The following GRIK2 variants were observed in gnomAD, a reference collection of about 807,000 sequenced individuals.
The protein encoded by GRIK2 is glutamate ionotropic receptor kainate type subunit 2, also known as glutamate receptor ionotropic, kainate 2.
GRIK2 carries 32 observed loss-of-function variants against 100.3 expected under a neutral mutation model. That is an observed-to-expected ratio of 0.32 (90% CI 0.24 to 0.43). The LOEUF (loss-of-function observed/expected upper bound fraction) is 0.43. Ranked by LOEUF, GRIK2 falls within the 20% of genes least tolerant of loss-of-function variation. GRIK2 has a pLI of 1.00. For synonymous variants in GRIK2, 417 were observed against 389.4 expected (o/e 1.07, Z -0.83); for missense variants, 843 against 1,114.9 (o/e 0.76, Z 3.47).
intron 7 of GRIK2, among the ~76,000 whole-genome samples, chr6:101,780,422 A>C (rs1779015936): frequency 6.6e-6 from 1 of 152,130 alleles, no homozygotes; most frequent in African/African-American, 2.4e-5. Flanking sequence ...TAATTACTTT[A>C]ACCTTCCTAT....
At chr6:101,729,031 C>T (rs1207358862) in intron 7 of GRIK2, among the ~76,000 whole-genome samples, 1 of 152,060 alleles carries the variant, frequency 6.6e-6, no homozygotes, top group African/African-American at 2.4e-5. Flanking sequence ...TTTGCACACT[C>T]TTCCAACCAC....
At chr6:101,625,288 G>A (rs1208227707) in intron 3 of GRIK2, among the ~76,000 whole-genome samples, 6 of 152,006 alleles carry the variant, frequency 3.9e-5, no homozygotes, top group South Asian at 2.1e-4. Flanking sequence ...CAGGAGAATC[G>A]CTTGAACCCG....
chr6:101,815,469 A>G (rs1489154712), intron 9 of GRIK2, among the ~76,000 whole-genome samples: 1 of 152,106 alleles, frequency 6.6e-6, no homozygotes. Context: ...TGGCCCTATA[A>G]TTTATTACAC....
At chr6:101,469,632 G>A (rs1017131351) in intron 2 of GRIK2, among the ~76,000 whole-genome samples, 1 of 152,108 alleles carries the variant, frequency 6.6e-6, no homozygotes, top group Non-Finnish European at 1.5e-5. Flanking sequence ...TTCTTCTCCA[G>A]TCAATGTTTT....
At chr6:101,865,750 G>A (rs1329570086) in intron 11 of GRIK2, among the ~76,000 whole-genome samples, 4 of 151,756 alleles carry the variant, frequency 2.6e-5, no homozygotes, top group Non-Finnish European at 4.4e-5. Flanking sequence ...TTAGCTGGGT[G>A]TGCTGGTGCA....
intron 4 of GRIK2, among the ~76,000 whole-genome samples, chr6:101,664,881 A>G (rs1769898368): frequency 6.6e-6 from 1 of 152,166 alleles, no homozygotes; most frequent in African/African-American, 2.4e-5. Flanking sequence ...CAGCCCTTTT[A>G]TAAAAAACAA....
chr6:101,536,962 A>G (rs1775730359), intron 2 of GRIK2, among the ~76,000 whole-genome samples: 2 of 151,596 alleles, frequency 1.3e-5, no homozygotes, highest in Admixed American at 6.6e-5. Context: ...TTCTAAATGT[A>G]TGGCTTTTGA....
intron 14 of GRIK2, among the ~76,000 whole-genome samples, chr6:102,005,268 T>A (rs1283255605): frequency 7.7e-6 from 1 of 130,558 alleles, no homozygotes; most frequent in Non-Finnish European, 1.8e-5. Context: ...AATATGAGAC[T>A]CTGTGAAAGA....
At chr6:101,679,157 A>G (rs896235983) in intron 5 of GRIK2, among the ~76,000 whole-genome samples, 2 of 152,232 alleles carry the variant, frequency 1.3e-5, no homozygotes, top group Admixed American at 6.5e-5. Context: ...AGTGTGAAAT[A>G]AAAACTTTTA....
intron 2 of GRIK2, among the ~76,000 whole-genome samples, chr6:101,449,026 C>T (rs77076343): frequency 0.036 from 5,505 of 151,442 alleles, 140 homozygotes; most frequent in Middle Eastern, 0.11. Context: ...CATCCATTAC[C>T]ATTATGTTTA....
chr6:101,596,655 A>G (rs1051424857), intron 2 of GRIK2, among the ~76,000 whole-genome samples: 2 of 151,668 alleles, frequency 1.3e-5, no homozygotes, highest in African/African-American at 4.8e-5. Flanking sequence ...ACTTTTGACT[A>G]CTTTCTCAGA....
intron 7 of GRIK2, among the ~76,000 whole-genome samples, chr6:101,749,803 CTTTTTT>C (rs989554915): frequency 1.1e-5 from 1 of 92,552 alleles, no homozygotes; most frequent in South Asian, 3.9e-4. Flanking sequence ...GTGCCAGTTT[CTTTTTT>C]TTTTTTTTTT....
rs1161694919 is a variant in GRIK2, at chr6:101,626,494, G to T, written c.398G>T (p.Arg133Leu). Residue 133 changes from arginine (R) to leucine (L), a missense_variant, in exon 4 of 17, where the codon CGC becomes CTC. Around this residue, in one of 3 missense-constraint regions of GRIK2, gnomAD observed 519 missense variants for 643.8 expected, o/e 0.81. Coordinates refer to ENST00000369134, the MANE Select transcript of GRIK2 (RefSeq NM_021956.5). ...CTGGGAGTTCCCCACATACAGACCC[G>T]CTGGAAGCACCAGGTGTCAGACAAC... ...NALGVPHIQT[R>L]WKHQVSDNKD... is the part of the protein sequence containing the mutation. 2 of 1,613,914 alleles carry T rather than the reference G, an allele frequency of 1.2e-6. No homozygotes were observed. Among genetic ancestry groups the T allele is most frequent in the Admixed American group, 1.7e-5 (1 of 60,002 alleles).
chr6:101,444,297 C>A (rs1160673350), intron 2 of GRIK2, among the ~76,000 whole-genome samples: 1 of 151,890 alleles, frequency 6.6e-6, no homozygotes, highest in Non-Finnish European at 1.5e-5. Flanking sequence ...GAGATAAAGT[C>A]TGAGTGGAAG....
chr6:101,652,558 A>G (rs1194832907), intron 4 of GRIK2, among the ~76,000 whole-genome samples: 1 of 152,144 alleles, frequency 6.6e-6, no homozygotes, highest in Admixed American at 6.6e-5. Context: ...TTTTTAGAAT[A>G]TTTTCTACAA....
intron 2 of GRIK2, among the ~76,000 whole-genome samples, chr6:101,542,784 A>T (rs2128289294): frequency 6.6e-6 from 1 of 152,256 alleles, no homozygotes; most frequent in South Asian, 2.1e-4. Context: ...TTGAAAAATT[A>T]ATGTCTCCAT....
intron 7 of GRIK2, among the ~76,000 whole-genome samples, chr6:101,700,152 AAAAC>A (rs142516473): frequency 0.091 from 13,775 of 151,788 alleles, 1,926 homozygotes; most frequent in African/African-American, 0.31. Flanking sequence ...TCTGTCTCAC[AAAAC>A]AAACAAACAA....
At chr6:101,621,802 C>CTCTCTCTCTT (rs1582841260) in intron 2 of GRIK2, 147 bp from the exon 3 acceptor site, 3 of 635,346 alleles carry the variant, frequency 4.7e-6, no homozygotes, top group Non-Finnish European at 5.5e-6. Flanking sequence ...CTCTCCCTCT[C>CTCTCTCTCTT]TCTCTCTCTT....
At chr6:101,723,569 T>C (rs1774642363) in intron 7 of GRIK2, among the ~76,000 whole-genome samples, 1 of 152,038 alleles carries the variant, frequency 6.6e-6, no homozygotes, top group Non-Finnish European at 1.5e-5. Context: ...TACACTGCAA[T>C]ACCTATAATT....
Sources: gnomAD v4.1 joint callset for allele counts (sites outside exome capture counted in the v4.1 genomes callset) on GRCh38, gnomAD v4.1.1 for gene constraint, gnomAD v4.1.1 regional missense constraint, MANE v1.5 for transcripts, NCBI Gene and HGNC (gene_info 2026-07-23, HGNC 2026-07-21) for gene names.